TDRD12: variants seen among roughly 807,000 people sequenced by gnomAD.
The protein encoded by TDRD12 is tudor domain containing 12, also known as putative ATP-dependent RNA helicase TDRD12.
A neutral mutation model predicts 133.5 loss-of-function variants in TDRD12; 158 were observed. That is an observed-to-expected ratio of 1.18 (90% CI 1.04 to 1.35). The LOEUF is 1.35. Ranked by LOEUF, TDRD12 falls within the 40% of genes most tolerant of loss-of-function variation. TDRD12 has a pLI of 0.00. For synonymous variants in TDRD12, 460 were observed against 477.9 expected (o/e 0.96, Z 0.49); for missense variants, 1,443 against 1,321.3 (o/e 1.09, Z -1.43).
chr19:32,798,914 G>C (rs566849623), intron 16 of TDRD12, among the ~76,000 whole-genome samples: 3 of 152,188 alleles, frequency 2.0e-5, no homozygotes, highest in African/African-American at 7.2e-5. Context: ...CAGCGTAAGG[G>C]CCACCGCTTC....
Position 32,827,161 on chromosome 19 carries a change from T to C in TDRD12, c.1050-3T>C. ...TATTTGTTATAATATCTTACTCCTT[T>C]AGTAGTGAATTCTAAAAACCTGCCG... On this transcript the variant is annotated splice_region_variant and splice_polypyrimidine_tract_variant and intron_variant, in intron 9 of 9. Transcript: ENST00000637289. 8.3e-7 allele frequency: 1 copy of C among 1,209,676 alleles called. No homozygotes were observed. The highest frequency in any genetic ancestry group is 1.0e-6 in the Non-Finnish European group (1 of 967,552). 74.9% of individuals were successfully genotyped at this position (1,209,676 alleles called of 1,614,324 possible).
intron 14 of TDRD12, chr19:32,796,250 C>T: frequency 4.1e-5 from 36 of 875,870 alleles, no homozygotes; most frequent in Non-Finnish European, 4.8e-5. Context: ...AATACTAGCT[C>T]ATTTTTCTAA....
At chr19:32,722,200 A>T (rs1462045448) in intron 1 of TDRD12, among the ~76,000 whole-genome samples, 1 of 152,114 alleles carries the variant, frequency 6.6e-6, no homozygotes, top group African/African-American at 2.4e-5. Flanking sequence ...GTCAGTCCTA[A>T]CGATGCTAGT....
At chr19:32,720,021 G>A (rs901929712) in exon 1 of TDRD12, 4 of 1,544,114 alleles carry the variant, frequency 2.6e-6, no homozygotes, top group East Asian at 2.4e-5. Context: ...CACCCGCGAC[G>A]GTAGGGGACT....
chr19:32,798,371 TC>T lies in TDRD12; in HGVS notation c.1696del (p.Leu566SerfsTer6). The T allele has an allele frequency of 1.3e-6, 2 of 1,535,230 alleles. No individual in the cohort carries two copies. Among genetic ancestry groups the T allele is most frequent in the Non-Finnish European group, 1.7e-6 (2 of 1,146,134 alleles). On this transcript the variant is annotated frameshift_variant, in exon 16 of 28. Transcript: ENST00000444215. LOFTEE classifies it high-confidence loss of function. The stretch of plus-strand genomic sequence containing the variant: ...CTTCTCGCCTGTCAGAGCCTGCTGT[TC>T]CTCAGGCTCTGCCACCTGATCCTGG...
At chr19:32,827,268 C>T (rs1368805666) in exon 10 of TDRD12, 15 of 1,231,026 alleles carry the variant, frequency 1.2e-5, no homozygotes, top group East Asian at 9.5e-5. Flanking sequence ...AGGTGAATGA[C>T]GTCCTCAAGA....
At chr19:32,742,751 T>C (rs1969469695) in intron 3 of TDRD12, 30 bp from the exon 4 acceptor site, 5 of 1,546,968 alleles carry the variant, frequency 3.2e-6, no homozygotes, top group Non-Finnish European at 4.4e-6. Flanking sequence ...ATTTTCTATA[T>C]AATGGAGCTG....
intron 1 of TDRD12, among the ~76,000 whole-genome samples, chr19:32,729,514 G>A (rs1038432251): frequency 2.6e-5 from 4 of 151,508 alleles, no homozygotes; most frequent in Non-Finnish European, 2.9e-5. Flanking sequence ...ACCGTGCCTG[G>A]CCTAAATTTT....
chr19:32,753,016 T>G (rs1363123669), intron 6 of TDRD12, among the ~76,000 whole-genome samples: 1 of 151,938 alleles, frequency 6.6e-6, no homozygotes, highest in Non-Finnish European at 1.5e-5. Flanking sequence ...ATGGTCTCGA[T>G]CTCCTGACCT....
chr19:32,826,622 G>C, intron 9 of TDRD12, 24 bp downstream of exon 31: 2 of 1,236,016 alleles, frequency 1.6e-6, no homozygotes, highest in Non-Finnish European at 2.0e-6. Flanking sequence ...CACTCAGCGG[G>C]TGGTCTTTAC....
At chr19:32,738,963 T>C (rs926051759) in exon 3 of TDRD12, 1 of 1,550,920 alleles carries the variant, frequency 6.4e-7, no homozygotes, top group Admixed American at 2.0e-5. Flanking sequence ...TTGTGGACTT[T>C]GCCAAGAACA....
chr19:32,753,975 T>C (rs936937086), intron 6 of TDRD12, among the ~76,000 whole-genome samples: 11 of 152,204 alleles, frequency 7.2e-5, no homozygotes, highest in Non-Finnish European at 1.3e-4. Context: ...CTTCACATTA[T>C]GCAGCCAAAA....
chr19:32,757,761 C>T (rs1970038246), intron 8 of TDRD12, among the ~76,000 whole-genome samples: 1 of 152,148 alleles, frequency 6.6e-6, no homozygotes, highest in African/African-American at 2.4e-5. Context: ...TACTTTGTTT[C>T]CCTTAAATCT....
At chr19:32,776,639 C>T (rs1273214317) in intron 10 of TDRD12, among the ~76,000 whole-genome samples, 1 of 152,188 alleles carries the variant, frequency 6.6e-6, no homozygotes. Context: ...TGACTTCTCT[C>T]CCCTGCTGTT....
intron 11 of TDRD12, among the ~76,000 whole-genome samples, chr19:32,789,811 GACA>G (rs1392823268): frequency 6.6e-6 from 1 of 152,134 alleles, no homozygotes; most frequent in East Asian, 1.9e-4. Flanking sequence ...GACCAGCCTG[GACA>G]ACAATGGTGA....
At chr19:32,802,861 A>G in intron 20 of TDRD12, 61 bp from the exon 21 acceptor site, 1 of 1,529,134 alleles carries the variant, frequency 6.5e-7, no homozygotes, top group East Asian at 2.5e-5. Flanking sequence ...AGAGTCCACA[A>G]GGTTTCCTCA....
At position 32,811,622 on chromosome 19, in the gene TDRD12, T is replaced by C. The variant is rs564931552; in HGVS notation, c.3048+202T>C. Among the ~76,000 whole-genome samples, 3 of 152,320 alleles carry C rather than the reference T, an allele frequency of 2.0e-5. No individual in the cohort carries two copies. In the East Asian group the frequency reaches 5.8e-4, roughly 29 times the overall value. On this transcript the variant is annotated intron_variant, in intron 24 of 27. Transcript: ENST00000444215. ...GCAGCTGCAACACTGTCTTCACCAC[T>C]GTCCTTGTGCTTACGGTCACAGAAT...
chr19:32,723,410 C>G (rs1437586771), intron 1 of TDRD12, among the ~76,000 whole-genome samples: 2 of 151,886 alleles, frequency 1.3e-5, no homozygotes, highest in African/African-American at 4.8e-5. Context: ...GCCACCATGC[C>G]CGGCTAATTT....
At chr19:32,803,541 G>C (rs528037118) in intron 21 of TDRD12, among the ~76,000 whole-genome samples, 1 of 152,280 alleles carries the variant, frequency 6.6e-6, no homozygotes, top group African/African-American at 2.4e-5. Flanking sequence ...CCACTATCAG[G>C]CTATGATGTT....
Sources: allele counts gnomAD v4.1 joint callset (sites outside exome capture counted in the v4.1 genomes callset), GRCh38; gene constraint gnomAD v4.1.1; transcripts MANE v1.5; gene names NCBI Gene and HGNC (gene_info 2026-07-23, HGNC 2026-07-21).